Variants in GSE1 observed in about 807,000 individuals in gnomAD.
GSE1 encodes Gse1 coiled-coil protein.
Under a neutral mutation model 112.6 loss-of-function variants are expected in GSE1, and 32 were observed. The ratio of observed to expected loss-of-function variants is 0.28; its 90% CI spans 0.21 to 0.38. GSE1 has a LOEUF of 0.38. Ranked by LOEUF, GSE1 falls within the 10% of genes least tolerant of loss-of-function variation. The probability of loss-of-function intolerance (pLI) is 1.00; values close to 1 mark genes in which losing one functional copy is unlikely to be tolerated. For missense variants in GSE1, 2,348 were observed against 1,699.2 expected, an observed-to-expected ratio of 1.38 and a Z score of -6.71; for synonymous variants, 1,115 against 735.6, an observed-to-expected ratio of 1.52 and a Z score of -8.35.
At chr16:85,620,261 G>C (rs1298069246) in intron 1 of GSE1, among the ~76,000 whole-genome samples, 1 of 152,208 alleles carries the variant, frequency 6.6e-6, no homozygotes, top group African/African-American at 2.4e-5. Context: ...CTGCACCCCA[G>C]CCTGGGTGAT....
intron 2 of GSE1, among the ~76,000 whole-genome samples, chr16:85,374,407 C>T (rs1012168186): frequency 3.7e-5 from 5 of 136,838 alleles, no homozygotes; most frequent in Non-Finnish European, 6.3e-5. Context: ...TGTGGCCCTC[C>T]GTGTGCAGTG....
chr16:85,520,514 C>G (rs903256674), intron 2 of GSE1, among the ~76,000 whole-genome samples: 1 of 150,070 alleles, frequency 6.7e-6, no homozygotes, highest in Non-Finnish European at 1.5e-5. Flanking sequence ...CTCAGCCTCC[C>G]GGGCCCAAGT....
At chr16:85,497,060 C>A (rs574245758) in intron 2 of GSE1, among the ~76,000 whole-genome samples, 1 of 152,136 alleles carries the variant, frequency 6.6e-6, no homozygotes, top group Admixed American at 6.5e-5. Context: ...CACCACGCCC[C>A]GCTAAGTTTT....
intron 1 of GSE1, among the ~76,000 whole-genome samples, chr16:85,337,380 A>T (rs1377856215): frequency 7.0e-6 from 1 of 143,162 alleles, no homozygotes; most frequent in Non-Finnish European, 1.5e-5. Context: ...ATCTCGGCTC[A>T]CTGCAAGCTC....
At chr16:85,377,152 G>T (rs890962525) in intron 2 of GSE1, among the ~76,000 whole-genome samples, 6 of 152,234 alleles carry the variant, frequency 3.9e-5, no homozygotes. Context: ...CTGGTAGGCC[G>T]CACGTGGTCT....
chr16:85,304,549 A>G (rs973230727), intron 1 of GSE1, among the ~76,000 whole-genome samples: 1 of 116,748 alleles, frequency 8.6e-6, no homozygotes, highest in Non-Finnish European at 1.6e-5. Context: ...AGGAAAGGGA[A>G]GTGGGGAGCT....
chr16:85,663,731 G>C (rs1233977998), intron 11 of GSE1, 117 bp downstream of exon 11: 1 of 1,041,204 alleles, frequency 9.6e-7, no homozygotes, highest in Non-Finnish European at 1.4e-6. Context: ...GCCTGAGGCT[G>C]CCCCTTTACT....
At chr16:85,381,305 G>A (rs775671000) in intron 2 of GSE1, among the ~76,000 whole-genome samples, 3 of 152,184 alleles carry the variant, frequency 2.0e-5, no homozygotes, top group African/African-American at 2.4e-5. Context: ...TTTTATGGCC[G>A]AATAATATTT....
chr16:85,611,483 C>T (rs534569279), upstream of GSE1: 45 of 985,158 alleles, frequency 4.6e-5, no homozygotes, highest in Admixed American at 4.9e-4. Flanking sequence ...GCGGGTCGTG[C>T]GGGGAAGCAG....
chr16:85,293,109 C>T (rs1450737198), intron 1 of GSE1, among the ~76,000 whole-genome samples: 1 of 152,098 alleles, frequency 6.6e-6, no homozygotes, highest in East Asian at 1.9e-4. Flanking sequence ...ATGGTCAGGC[C>T]CCTCTCCCCA....
At chr16:85,353,789 C>T (rs1326980778) in intron 1 of GSE1, among the ~76,000 whole-genome samples, 1 of 152,244 alleles carries the variant, frequency 6.6e-6, no homozygotes, top group East Asian at 1.9e-4. Context: ...CTGTGGCTGT[C>T]TCCTTGCAGT....
In GSE1 at chr16:85,483,023, G is replaced by A. The variant is rs8063124; in HGVS notation, c.2464+125380G>A. Among the ~76,000 whole-genome samples, 340 of 151,148 alleles carry A rather than the reference G, an allele frequency of 2.2e-3. 1 individual carries two copies. Among genetic ancestry groups the A allele is most frequent in the African/African-American group, 8.0e-3 (325 of 40,612 alleles). ...TACCAAACTCTCTGTGTAGCAGTGCGACGCTACATCTGGAAGATTCCACAC... is the reference window on the plus strand; with the variant it reads ...TACCAAACTCTCTGTGTAGCAGTGCAACGCTACATCTGGAAGATTCCACAC... On this transcript the variant is annotated intron_variant, in intron 2 of 2. Coordinates refer to the GSE1 transcript ENST00000637419.
intron 2 of GSE1, among the ~76,000 whole-genome samples, chr16:85,642,395 G>T (rs981012247): frequency 1.3e-5 from 2 of 152,228 alleles, no homozygotes; most frequent in African/African-American, 4.8e-5. Context: ...CAGGTTAGCA[G>T]ACACACAGGG....
chr16:85,318,080 G>A (rs975685193), intron 1 of GSE1, among the ~76,000 whole-genome samples: 1 of 152,238 alleles, frequency 6.6e-6, no homozygotes, highest in African/African-American at 2.4e-5. Flanking sequence ...CCGTCCCATG[G>A]TGGTGGGGCA....
At chr16:85,292,503 A>G (rs1001086647) in intron 1 of GSE1, among the ~76,000 whole-genome samples, 11 of 151,858 alleles carry the variant, frequency 7.2e-5, no homozygotes, top group Non-Finnish European at 1.0e-4. Context: ...TAATTTTTGT[A>G]TTTTTAGTAG....
At chr16:85,520,232 A>T (rs2052134851) in intron 2 of GSE1, among the ~76,000 whole-genome samples, 1 of 152,062 alleles carries the variant, frequency 6.6e-6, no homozygotes, top group Admixed American at 6.6e-5. Context: ...ACCCTTTAAC[A>T]GGAGCTTAAT....
intron 2 of GSE1, among the ~76,000 whole-genome samples, chr16:85,367,035 C>T (rs985646903): frequency 6.6e-6 from 1 of 152,220 alleles, no homozygotes; most frequent in Non-Finnish European, 1.5e-5. Context: ...GCCACTGTGC[C>T]TTGGCCCGCC....
At chr16:85,614,572 C>G in intron 1 of GSE1, among the ~76,000 whole-genome samples, 1 of 150,332 alleles carries the variant, frequency 6.7e-6, no homozygotes, top group Non-Finnish European at 1.5e-5. Flanking sequence ...GAGGCTGCGC[C>G]CTTTCCACGT....
Position 85,675,596 on chromosome 16 carries a change from G to C in GSE1, c.*3057G>C, listed in dbSNP as rs1280108849. The C allele has an allele frequency of 1.3e-5, 2 of 152,196 alleles. No homozygotes were observed. Among genetic ancestry groups the C allele is most frequent in the African/African-American group, 4.8e-5 (2 of 41,462 alleles). The allele number at this position is 152,196 out of a possible 1,614,324, so 9.4% of individuals were successfully genotyped here. A position where few individuals can be genotyped will look rare whatever the true frequency, so the allele number is the denominator to read the frequency against. ...TTCAGCAGTGAAGGATTCTAACACAGGGAATCTGCAGTTTGTAGCAGAATG... is the reference window on the plus strand; with the variant it reads ...TTCAGCAGTGAAGGATTCTAACACACGGAATCTGCAGTTTGTAGCAGAATG... On this transcript the variant is annotated 3_prime_UTR_variant, in exon 16 of 16. Coordinates refer to ENST00000253458, the MANE Select transcript of GSE1 (RefSeq NM_014615.5).
Sources: gnomAD v4.1 joint callset for allele counts (sites outside exome capture counted in the v4.1 genomes callset) on GRCh38, gnomAD v4.1.1 for gene constraint, MANE v1.5 for transcripts, NCBI Gene and HGNC (gene_info 2026-07-23, HGNC 2026-07-21) for gene names.